CYRIA: variants seen among roughly 807,000 people sequenced by gnomAD.
CYRIA encodes the protein CYFIP related Rac1 interactor A.
A neutral mutation model predicts 43.9 loss-of-function variants in CYRIA; 15 were observed. That is an observed-to-expected ratio of 0.34 (90% confidence interval 0.23 to 0.53). The LOEUF is 0.53. Ranked by LOEUF, CYRIA falls within the 20% of genes least tolerant of loss-of-function variation. CYRIA has a pLI of 0.94. For synonymous variants in CYRIA, 117 were observed against 136.0 expected (o/e 0.86, Z 0.97); for missense variants, 236 against 394.2 (o/e 0.60, Z 3.40).
At chr2:16,557,066 G>A (rs1373440071) in intron 10 of CYRIA, among the ~76,000 whole-genome samples, 7 of 152,102 alleles carry the variant, frequency 4.6e-5, no homozygotes, top group Admixed American at 2.6e-4. Flanking sequence ...GGGTTAAGAG[G>A]TGATTACTTA....
intron 1 of CYRIA, 33 bp from the exon 2 acceptor site, chr2:16,624,052 G>A (rs766023090): frequency 4.6e-5 from 7 of 152,230 alleles, no homozygotes; most frequent in Non-Finnish European, 7.3e-5. Flanking sequence ...GTTACTGTGA[G>A]AAGCAATTTC....
intron 3 of CYRIA, among the ~76,000 whole-genome samples, chr2:16,570,306 C>T (rs1667081763): frequency 2.0e-5 from 3 of 152,194 alleles, no homozygotes; most frequent in Admixed American, 2.0e-4. Flanking sequence ...TACCTACAGT[C>T]AAATTGGCCA....
chr2:16,638,447 G>A (rs1669569052), intron 1 of CYRIA, among the ~76,000 whole-genome samples: 1 of 152,206 alleles, frequency 6.6e-6, no homozygotes, highest in Admixed American at 6.5e-5. Context: ...CCTAATCAGA[G>A]TGTGAATTCC....
At chr2:16,623,505 T>C (rs535066871) in intron 2 of CYRIA, among the ~76,000 whole-genome samples, 1 of 152,286 alleles carries the variant, frequency 6.6e-6, no homozygotes, top group South Asian at 2.1e-4. Context: ...GGATCTAAAT[T>C]CCATCTCAGA....
Position 16,551,652 on chromosome 2 carries a change from C to T in CYRIA, c.*1284G>A, listed in dbSNP as rs1260699142. On this transcript the variant is annotated 3_prime_UTR_variant, in exon 12 of 12. Coordinates refer to ENST00000381323, the MANE Select transcript of CYRIA (RefSeq NM_030797.4). ...TGACTGCAGGCTTCATAATATTGTT[C>T]ATCAACAAGACAAGGTGGGGCAAAT... The T allele has an allele frequency of 6.6e-6, 1 of 152,088 alleles. No homozygotes were observed. The highest frequency in any genetic ancestry group is 6.6e-5 in the Admixed American group (1 of 15,260). The allele number at this position is 152,088 out of a possible 1,614,324, so 9.4% of individuals were successfully genotyped here. A position where few individuals can be genotyped will look rare whatever the true frequency, so the allele number is the denominator to read the frequency against.
intron 1 of CYRIA, among the ~76,000 whole-genome samples, chr2:16,648,554 A>G (rs966403212): frequency 1.3e-5 from 2 of 152,222 alleles, no homozygotes; most frequent in Non-Finnish European, 2.9e-5. Flanking sequence ...GGATGTGATT[A>G]CACTTGAATT....
chr2:16,623,367 G>C (rs528591616), intron 2 of CYRIA, among the ~76,000 whole-genome samples: 2 of 152,368 alleles, frequency 1.3e-5, no homozygotes, highest in South Asian at 4.1e-4. Context: ...TGGTGGTCAG[G>C]AAAGCGGGTG....
chr2:16,561,381 C>T (rs1666725374), intron 7 of CYRIA, 75 bp downstream of exon 7: 1 of 1,511,684 alleles, frequency 6.6e-7, no homozygotes. Context: ...TGTCTTCTGT[C>T]TGTGCTCTGC....
At chr2:16,561,385 G>T in intron 7 of CYRIA, 71 bp downstream of exon 7, 1 of 1,507,008 alleles carries the variant, frequency 6.6e-7, no homozygotes, top group Non-Finnish European at 9.2e-7. Flanking sequence ...TTCTGTCTGT[G>T]CTCTGCCTGA....
chr2:16,638,794 G>A (rs575969776), intron 1 of CYRIA, among the ~76,000 whole-genome samples: 22 of 152,254 alleles, frequency 1.4e-4, no homozygotes, highest in African/African-American at 5.1e-4. Context: ...TGTTGTGTGT[G>A]TAGATCTATA....
At chr2:16,611,603 A>G (rs1407268507) in intron 2 of CYRIA, among the ~76,000 whole-genome samples, 1 of 152,146 alleles carries the variant, frequency 6.6e-6, no homozygotes, top group Non-Finnish European at 1.5e-5. Flanking sequence ...CTGGACTAGA[A>G]TAGTCTGGGA....
intron 2 of CYRIA, among the ~76,000 whole-genome samples, chr2:16,623,628 C>T (rs944072191): frequency 1.3e-5 from 2 of 152,306 alleles, no homozygotes; most frequent in East Asian, 3.9e-4. Flanking sequence ...TACAGCTCGA[C>T]TCTGTTCTTC....
intron 1 of CYRIA, among the ~76,000 whole-genome samples, chr2:16,652,757 G>A (rs1025591729): frequency 1.3e-5 from 2 of 152,070 alleles, no homozygotes; most frequent in Non-Finnish European, 2.9e-5. Context: ...AGCAGGGATC[G>A]GATGAGCAGT....
intron 2 of CYRIA, among the ~76,000 whole-genome samples, chr2:16,614,581 T>C (rs1476915383): frequency 6.6e-6 from 1 of 152,152 alleles, no homozygotes; most frequent in Non-Finnish European, 1.5e-5. Context: ...TCAAGCACTG[T>C]TTGGGCTATT....
At chr2:16,574,391 T>C (rs1037018974) in intron 3 of CYRIA, among the ~76,000 whole-genome samples, 12 of 152,152 alleles carry the variant, frequency 7.9e-5, no homozygotes, top group African/African-American at 2.7e-4. Context: ...GAAAATCCCA[T>C]TGTCTGAGGA....
chr2:16,593,507 T>G (rs1489752751), intron 2 of CYRIA, among the ~76,000 whole-genome samples: 2 of 152,028 alleles, frequency 1.3e-5, no homozygotes, highest in East Asian at 3.8e-4. Context: ...ACAACTAAAT[T>G]TTCAAAAGAA....
intron 1 of CYRIA, among the ~76,000 whole-genome samples, chr2:16,633,988 G>A (rs535275125): frequency 2.0e-5 from 3 of 152,116 alleles, no homozygotes; most frequent in Admixed American, 6.6e-5. Context: ...CTAGCTGAGG[G>A]TTCTTCCCTC....
At chr2:16,561,575 C>T in intron 6 of CYRIA, 42 bp from the exon 7 acceptor site, 2 of 1,469,300 alleles carry the variant, frequency 1.4e-6, no homozygotes, top group Non-Finnish European at 1.9e-6. Flanking sequence ...CTCTCAGTAT[C>T]AGATGGGGTA....
At chr2:16,641,077 C>T (rs1669663098) in intron 1 of CYRIA, among the ~76,000 whole-genome samples, 1 of 152,154 alleles carries the variant, frequency 6.6e-6, no homozygotes, top group South Asian at 2.1e-4. Context: ...CCCTCCTCTG[C>T]TCCCACTTCT....
Sources: gnomAD v4.1 joint callset for allele counts (sites outside exome capture counted in the v4.1 genomes callset) on GRCh38, gnomAD v4.1.1 for gene constraint, MANE v1.5 for transcripts, NCBI Gene and HGNC (gene_info 2026-07-23, HGNC 2026-07-21) for gene names.